Variants in XPO5 observed in about 807,000 individuals in gnomAD.
XPO5 encodes exportin-5.
In XPO5, 46 loss-of-function variants were observed where a neutral mutation model predicts 160.6. That is an observed-to-expected ratio of 0.29 (90% CI 0.23 to 0.37). The LOEUF (loss-of-function observed/expected upper bound fraction) is 0.37, where lower values mean the gene tolerates loss of function less well. Ranked by LOEUF, XPO5 falls within the 10% of genes least tolerant of loss-of-function variation. The probability of loss-of-function intolerance (pLI) is 1.00; values close to 1 mark genes in which losing one functional copy is unlikely to be tolerated. For synonymous variants in XPO5, 537 were observed against 519.3 expected (o/e 1.03, Z -0.46); for missense variants, 1,090 against 1,463.9 (o/e 0.74, Z 4.17).
Position 43,524,900 on chromosome 6 carries a change from C to A in XPO5, c.3243G>T (p.Gln1081His). Residue 1081 changes from glutamine (Q) to histidine (H), a missense_variant, in exon 30 of 32, where the codon CAG becomes CAT. By Grantham distance (24) the Gln-to-His change is conservative (BLOSUM62 0). Transcript: ENST00000265351. Reference sequence around the variant, plus strand: ...TGCACCCGTCGTGCTGCCCGTGCATCTGTAAGCCTTTCAGCACACTGGTGA... The same window carrying A: ...TGCACCCGTCGTGCTGCCCGTGCATATGTAAGCCTTTCAGCACACTGGTGA... ...WLFTSVLKGL[Q>H]MHGQHDGCMA... is the part of the protein sequence containing the mutation. 6.2e-7 allele frequency: 1 copy of A among 1,614,040 alleles called. No individual in the cohort carries two copies. Among genetic ancestry groups the A allele is most frequent in the Non-Finnish European group, 8.5e-7 (1 of 1,179,898 alleles).
intron 18 of XPO5, 49 bp downstream of exon 18, chr6:43,548,212 A>G (rs1795057479): frequency 4.0e-6 from 6 of 1,504,352 alleles, no homozygotes; most frequent in Non-Finnish European, 5.4e-6. Flanking sequence ...TCTTAAACCA[A>G]AATGGGTGCT....
chr6:43,547,271 A>C, intron 19 of XPO5: 1 of 398,080 alleles, frequency 2.5e-6, no homozygotes, highest in Non-Finnish European at 4.7e-6. Flanking sequence ...TTAAGCCATC[A>C]CTTAAGACTT....
rs79822008 is a variant in XPO5, at chr6:43,575,633, G to A, written c.105+127C>T. ...CGGAGGGCCGCGAGGGGAAGGTCCC[G>A]GGGAGTTGGGAAAGGAGGTCCAGGG... On this transcript the variant is annotated intron_variant, in intron 1 of 31. Transcript: ENST00000265351. 2.3e-4 allele frequency: 180 copies of A among 778,678 alleles called. 1 individual carries two copies. In the African/African-American group the frequency reaches 2.7e-3, roughly 12 times the overall value. The allele number at this position is 778,678 out of a possible 1,614,324, so 48.2% of individuals were successfully genotyped here.
At chr6:43,565,544 G>T in intron 8 of XPO5, 116 bp downstream of exon 8, 1 of 917,666 alleles carries the variant, frequency 1.1e-6, no homozygotes, top group Non-Finnish European at 1.5e-6. Context: ...CAGCCTGGGT[G>T]ACAGAGCGAG....
At chr6:43,562,433 T>C (rs1168758785) in intron 8 of XPO5, 87 bp from the exon 9 acceptor site, 1 of 986,232 alleles carries the variant, frequency 1.0e-6, no homozygotes, top group African/African-American at 1.6e-5. Context: ...CTCCAAGTCA[T>C]TTAGTTAGGT....
chr6:43,538,695 T>C (rs1794501398), intron 20 of XPO5: 1 of 440,164 alleles, frequency 2.3e-6, no homozygotes, highest in Non-Finnish European at 3.9e-6. Context: ...ATTTTCCTCT[T>C]TGGTACTGTT....
chr6:43,528,232 C>T, intron 24 of XPO5, 27 bp from the exon 25 acceptor site: 1 of 1,574,168 alleles, frequency 6.4e-7, no homozygotes, highest in Non-Finnish European at 8.6e-7. Context: ...GAAATAAATG[C>T]TAGAATTGGG....
intron 7 of XPO5, among the ~76,000 whole-genome samples, chr6:43,566,375 C>T (rs1449822787): frequency 1.3e-5 from 2 of 151,972 alleles, no homozygotes; most frequent in Non-Finnish European, 2.9e-5. Context: ...GCCTAGACAA[C>T]AGAACGAGAC....
intron 20 of XPO5, among the ~76,000 whole-genome samples, chr6:43,534,252 A>T (rs1794176493): frequency 6.6e-6 from 1 of 152,226 alleles, no homozygotes; most frequent in South Asian, 2.1e-4. Context: ...CCCAAGACAC[A>T]GGACAGTATC....
intron 18 of XPO5, 55 bp from the exon 19 acceptor site, chr6:43,547,762 T>G (rs1252693118): frequency 6.9e-5 from 104 of 1,516,746 alleles, no homozygotes; most frequent in Non-Finnish European, 8.8e-5. Context: ...CAAGGACAGT[T>G]TCTTCCACAG....
intron 13 of XPO5, among the ~76,000 whole-genome samples, chr6:43,554,681 C>T (rs759756759): frequency 6.6e-6 from 1 of 152,172 alleles, no homozygotes; most frequent in South Asian, 2.1e-4. Context: ...CCTCGGCCTC[C>T]TGAAGTGCTA....
intron 17 of XPO5, 43 bp downstream of exon 17, chr6:43,549,446 T>C: frequency 1.3e-6 from 2 of 1,553,112 alleles, no homozygotes; most frequent in Non-Finnish European, 8.7e-7. Context: ...TACACACAAA[T>C]GTAACCAAAC....
At chr6:43,548,843 C>T (rs948900466) in intron 17 of XPO5, among the ~76,000 whole-genome samples, 1 of 151,766 alleles carries the variant, frequency 6.6e-6, no homozygotes, top group African/African-American at 2.4e-5. Flanking sequence ...TAACCCCATG[C>T]CCCAAAAAGG....
chr6:43,530,629 T>C, intron 23 of XPO5, 59 bp downstream of exon 23: 1 of 1,590,720 alleles, frequency 6.3e-7, no homozygotes, highest in Non-Finnish European at 8.6e-7. Flanking sequence ...GTGACCTGTT[T>C]TGTTTCTCTC....
At position 43,522,852 on chromosome 6, in the gene XPO5, A is replaced by G; in HGVS notation, c.*1016T>C. On this transcript the variant is annotated 3_prime_UTR_variant, in exon 32 of 32. Coordinates refer to ENST00000265351, the MANE Select transcript of XPO5 (RefSeq NM_020750.3). ...TCCCGTATCCATGTCCTCTCTTTAC[A>G]GGGCCTTTCAGTGACCTCTAGAATG... The G allele has an allele frequency of 3.8e-6, 1 of 261,692 alleles. No individual in the cohort carries two copies. The highest frequency in any genetic ancestry group is 8.8e-6 in the Non-Finnish European group (1 of 113,110). The allele number at this position is 261,692 out of a possible 1,614,324, so 16.2% of individuals were successfully genotyped here. A position where few individuals can be genotyped will look rare whatever the true frequency, so the allele number is the denominator to read the frequency against.
intron 19 of XPO5, 69 bp from the exon 20 acceptor site, chr6:43,546,821 T>A (rs1014177931): frequency 7.0e-7 from 1 of 1,425,738 alleles, no homozygotes; most frequent in Non-Finnish European, 9.3e-7. Flanking sequence ...TACTGTTAGA[T>A]ATATTCAAGG....
At chr6:43,559,679 T>C (rs1582236536) in intron 11 of XPO5, among the ~76,000 whole-genome samples, 2 of 152,170 alleles carry the variant, frequency 1.3e-5, no homozygotes, top group African/African-American at 2.4e-5. Context: ...CCAATACTTA[T>C]GATATATTAA....
intron 8 of XPO5, among the ~76,000 whole-genome samples, chr6:43,563,838 G>A (rs924462726): frequency 6.6e-6 from 1 of 152,212 alleles, no homozygotes; most frequent in Admixed American, 6.5e-5. Context: ...TGGGTCCAGA[G>A]TGAGTGGTGA....
Position 43,567,321 on chromosome 6 carries a change from G to A in XPO5, c.682C>T (p.Leu228=). ...QANCRVGVAA[L]NTLAGYIDWV... ...TCAATATAGCCTGCTAGAGTATTCA[G>A]TGCTGCAACTCCTACTCGACAGTTT... The change falls in exon 7 of 32, where the codon CTG becomes TTG. Residue 228 remains leucine, a synonymous_variant. Coordinates refer to ENST00000265351, the MANE Select transcript of XPO5 (RefSeq NM_020750.3). 4 of 1,611,378 alleles carry A rather than the reference G, an allele frequency of 2.5e-6. No homozygotes were observed. Among genetic ancestry groups the A allele is most frequent in the South Asian group, 2.2e-5 (2 of 90,446 alleles).
Sources: allele counts gnomAD v4.1 joint callset (sites outside exome capture counted in the v4.1 genomes callset), GRCh38; gene constraint gnomAD v4.1.1; transcripts MANE v1.5; gene names NCBI Gene and HGNC (gene_info 2026-07-23, HGNC 2026-07-21).